The following LYPLA1 variants were observed in gnomAD, a reference collection of about 807,000 sequenced individuals.
LYPLA1 encodes acyl-protein thioesterase 1.
LYPLA1 carries 17 observed loss-of-function variants against 34.0 expected under a neutral mutation model. That is an observed-to-expected ratio of 0.50 (90% CI 0.34 to 0.75). The LOEUF (loss-of-function observed/expected upper bound fraction) is 0.75. Ranked by LOEUF, LYPLA1 falls within the 30% of genes least tolerant of loss-of-function variation. LYPLA1 has a pLI of 0.01. For missense variants in LYPLA1, 203 were observed against 288.8 expected (o/e 0.70, Z 2.15); for synonymous variants, 98 against 100.8 (o/e 0.97, Z 0.17).
Position 54,047,744 on chromosome 8 carries a change from T to A in LYPLA1, c.*321A>T. The A allele has an allele frequency of 4.3e-6, 1 of 230,556 alleles. No individual in the cohort carries two copies. Among genetic ancestry groups the A allele is most frequent in the East Asian group, 8.6e-5 (1 of 11,564 alleles). The allele number at this position is 230,556 out of a possible 1,614,324, so 14.3% of individuals were successfully genotyped here. A position where few individuals can be genotyped will look rare whatever the true frequency, so the allele number is the denominator to read the frequency against. On this transcript the variant is annotated 3_prime_UTR_variant, in exon 9 of 9. Transcript: ENST00000316963. ...AACAAATTTTCATTAAGCATACTGC[T>A]AATTTTCAAATGATGTAATAAAAAA...
At chr8:54,068,538 G>A (rs1807245335) in intron 2 of LYPLA1, among the ~76,000 whole-genome samples, 3 of 152,152 alleles carry the variant, frequency 2.0e-5, no homozygotes. Flanking sequence ...CGAAAATCCA[G>A]AAATAAAACC....
intron 2 of LYPLA1, among the ~76,000 whole-genome samples, chr8:54,075,402 C>T (rs916191351): frequency 6.6e-6 from 1 of 152,154 alleles, no homozygotes; most frequent in Non-Finnish European, 1.5e-5. Flanking sequence ...AGCCAGATGC[C>T]GAGTAAGAGA....
chr8:54,084,203 GA>G (rs1342348080), intron 2 of LYPLA1, among the ~76,000 whole-genome samples: 3 of 142,452 alleles, frequency 2.1e-5, no homozygotes, highest in Non-Finnish European at 3.0e-5. Context: ...TCTTTTACCT[GA>G]AAAAAAACCA....
chr8:54,089,027 C>A (rs1181162228), intron 2 of LYPLA1, among the ~76,000 whole-genome samples: 1 of 152,178 alleles, frequency 6.6e-6, no homozygotes, highest in Non-Finnish European at 1.5e-5. Context: ...AGCAAATCCA[C>A]AGAAACAGAA....
intron 2 of LYPLA1, among the ~76,000 whole-genome samples, chr8:54,072,933 TCA>T (rs1491479908): frequency 5.3e-5 from 3 of 57,134 alleles, no homozygotes; most frequent in African/African-American, 1.2e-4. Flanking sequence ...CAAGACTGAA[TCA>T]AAAAAAAAAA....
At chr8:54,056,757 T>A (rs1335423697) in intron 5 of LYPLA1, among the ~76,000 whole-genome samples, 2 of 151,828 alleles carry the variant, frequency 1.3e-5, no homozygotes, top group Non-Finnish European at 2.9e-5. Flanking sequence ...TACTACAGAT[T>A]AAAAAATTAG....
At chr8:54,054,887 CAAG>C (rs1266155858) in intron 6 of LYPLA1, 170 bp downstream of exon 6, 12 of 569,662 alleles carry the variant, frequency 2.1e-5, no homozygotes, top group Middle Eastern at 4.7e-4. Context: ...ATAGTTCTTT[CAAG>C]AAGAAATTAA....
intron 2 of LYPLA1, among the ~76,000 whole-genome samples, chr8:54,070,107 T>A (rs1239622186): frequency 6.6e-6 from 1 of 152,246 alleles, no homozygotes; most frequent in East Asian, 1.9e-4. Flanking sequence ...AATATGAAGT[T>A]ACCATATCCA....
intron 2 of LYPLA1, among the ~76,000 whole-genome samples, chr8:54,070,719 T>A (rs899798323): frequency 2.0e-5 from 3 of 152,000 alleles, no homozygotes; most frequent in African/African-American, 7.2e-5. Flanking sequence ...CGAGACTCCA[T>A]CTCAAATAAA....
chr8:54,092,249 AGAGAAGGAGAAGGAG>A, intron 2 of LYPLA1, among the ~76,000 whole-genome samples: 1 of 148,320 alleles, frequency 6.7e-6, no homozygotes, highest in East Asian at 2.0e-4. Context: ...GAAAGAAGGA[AGAGAAGGAGAAGGAG>A]GAGAAGGAGA....
chr8:54,090,318 C>T (rs1809133243), intron 2 of LYPLA1, among the ~76,000 whole-genome samples: 1 of 152,144 alleles, frequency 6.6e-6, no homozygotes, highest in African/African-American at 2.4e-5. Context: ...TTGTTTGTAA[C>T]CAGCTTTTGC....
chr8:54,073,667 C>T (rs1201335565), intron 2 of LYPLA1: 3 of 400,052 alleles, frequency 7.5e-6, no homozygotes, highest in Non-Finnish European at 1.4e-5. Flanking sequence ...GAAAGATGAC[C>T]ATTTGTTAGT....
At chr8:54,072,661 C>CA (rs1341102310) in intron 2 of LYPLA1, among the ~76,000 whole-genome samples, 34 of 151,236 alleles carry the variant, frequency 2.2e-4, no homozygotes, top group Non-Finnish European at 4.4e-5. Flanking sequence ...GAAAAGTAGA[C>CA]AAAAAACATG....
In LYPLA1 at chr8:54,082,552, C is replaced by T. The variant is rs984478967; in HGVS notation, c.102-16739G>A. On this transcript the variant is annotated intron_variant, in intron 2 of 8. Coordinates refer to ENST00000316963, the MANE Select transcript of LYPLA1 (RefSeq NM_006330.4). ...CAGGCTGGTATCAAACTCCTGGCCT[C>T]AAGTGATCCTCCTGCCTTGGCTTTC... Among the ~76,000 whole-genome samples, 13 of 152,256 alleles carry T rather than the reference C, an allele frequency of 8.5e-5. No individual in the cohort carries two copies. In the East Asian group the frequency reaches 2.5e-3, roughly 29 times the overall value.
chr8:54,096,494 T>G (rs760930433), intron 2 of LYPLA1, among the ~76,000 whole-genome samples: 5 of 152,054 alleles, frequency 3.3e-5, no homozygotes, highest in Non-Finnish European at 7.4e-5. Context: ...ATCCCAGCAC[T>G]TTGGGAGGCT....
chr8:54,098,114 T>A (rs1809827733), intron 2 of LYPLA1, among the ~76,000 whole-genome samples: 1 of 151,898 alleles, frequency 6.6e-6, no homozygotes, highest in Non-Finnish European at 1.5e-5. Flanking sequence ...TCCCAGCTAC[T>A]CAGGAGGCTG....
At chr8:54,055,648 T>A (rs557389355) in intron 5 of LYPLA1, among the ~76,000 whole-genome samples, 1,520 of 149,546 alleles carry the variant, frequency 0.01, 16 homozygotes, top group Middle Eastern at 0.024. Context: ...CCTAATTATT[T>A]TTTTTTTTTT....
intron 2 of LYPLA1, among the ~76,000 whole-genome samples, chr8:54,098,575 G>A (rs1809865561): frequency 2.0e-5 from 3 of 152,168 alleles, no homozygotes; most frequent in South Asian, 4.1e-4. Flanking sequence ...CAGCTACGCC[G>A]GAGGCCGAGG....
chr8:54,051,847 C>CT (rs757045729), intron 7 of LYPLA1, among the ~76,000 whole-genome samples: 340 of 130,312 alleles, frequency 2.6e-3, no homozygotes, highest in Middle Eastern at 4.3e-3. Flanking sequence ...ATTCAGCTAT[C>CT]TTTTTTTTTT....
Sources: allele counts gnomAD v4.1 joint callset (sites outside exome capture counted in the v4.1 genomes callset), GRCh38; gene constraint gnomAD v4.1.1; transcripts MANE v1.5; gene names NCBI Gene and HGNC (gene_info 2026-07-23, HGNC 2026-07-21).